CTBP2: variants seen among roughly 807,000 people sequenced by gnomAD.
The protein encoded by CTBP2 is C-terminal binding protein 2, also known as C-terminal-binding protein 2.
In CTBP2, 30 loss-of-function variants were observed where a neutral mutation model predicts 80.3. That is an observed-to-expected ratio of 0.37 (90% confidence interval 0.28 to 0.51). The LOEUF (loss-of-function observed/expected upper bound fraction) is 0.51, where lower values mean the gene tolerates loss of function less well. Among genes scored for constraint, CTBP2 ranks in the 20% least tolerant of loss-of-function variants. The pLI is 0.93. For synonymous variants in CTBP2, 594 were observed against 587.4 expected, an observed-to-expected ratio of 1.01 and a Z score of -0.16; for missense variants, 1,212 against 1,375.3, an observed-to-expected ratio of 0.88 and a Z score of 1.88.
At chr10:125,076,914 G>A (rs753102741) in intron 2 of CTBP2, among the ~76,000 whole-genome samples, 1 of 152,130 alleles carries the variant, frequency 6.6e-6, no homozygotes, top group East Asian at 1.9e-4. Flanking sequence ...TTTCTGCCAA[G>A]AATCATCTGT....
intron 3 of CTBP2, among the ~76,000 whole-genome samples, chr10:125,036,669 GTGTGTGTGTGTGT>G (rs1958910321): frequency 2.0e-4 from 1 of 4,980 alleles, no homozygotes; most frequent in African/African-American, 1.5e-3. Flanking sequence ...GCTAGAGGGG[GTGTGTGTGTGTGT>G]GTGTGTGTGT....
At chr10:125,117,828 C>T (rs1227628920) in intron 1 of CTBP2, among the ~76,000 whole-genome samples, 2 of 152,222 alleles carry the variant, frequency 1.3e-5, no homozygotes, top group Non-Finnish European at 2.9e-5. Context: ...CTAATTCTTT[C>T]CATGTCCCTA....
intron 2 of CTBP2, among the ~76,000 whole-genome samples, chr10:125,093,764 G>A (rs1464864231): frequency 2.6e-5 from 4 of 152,186 alleles, no homozygotes; most frequent in African/African-American, 9.7e-5. Flanking sequence ...GGACGCTCAG[G>A]GGGCAGCACA....
intron 2 of CTBP2, among the ~76,000 whole-genome samples, chr10:125,053,955 C>A (rs1299853973): frequency 6.6e-6 from 1 of 152,156 alleles, no homozygotes; most frequent in Non-Finnish European, 1.5e-5. Flanking sequence ...CTTTCCAGCC[C>A]CTACAGGACT....
At chr10:125,049,093 G>A (rs1443518415) in intron 2 of CTBP2, among the ~76,000 whole-genome samples, 8 of 67,600 alleles carry the variant, frequency 1.2e-4, no homozygotes, top group East Asian at 9.1e-4. Context: ...ACACACACAC[G>A]TCCACCTGAC....
chr10:125,141,612 C>A (rs1857830011), intron 1 of CTBP2, among the ~76,000 whole-genome samples: 1 of 152,076 alleles, frequency 6.6e-6, no homozygotes, highest in South Asian at 2.1e-4. Flanking sequence ...AGACAGCACA[C>A]AGTAAGCACA....
At chr10:125,158,532 CTT>C (rs1257249734) in intron 1 of CTBP2, 1 of 152,214 alleles carries the variant, frequency 6.6e-6, no homozygotes, top group African/African-American at 2.4e-5. Flanking sequence ...ATAGAATTCT[CTT>C]GTCTATCCTT....
chr10:125,159,166 G>A (rs1188296734), intron 1 of CTBP2, among the ~76,000 whole-genome samples: 23 of 151,058 alleles, frequency 1.5e-4, no homozygotes, highest in Admixed American at 1.5e-3. Context: ...GCCGCGGAGG[G>A]CTGGGAGGAG....
At chr10:125,074,645 A>G (rs1846017604) in intron 2 of CTBP2, among the ~76,000 whole-genome samples, 1 of 152,206 alleles carries the variant, frequency 6.6e-6, no homozygotes, top group Non-Finnish European at 1.5e-5. Flanking sequence ...GTGCCTGGCG[A>G]ACACTGTCCT....
At chr10:125,146,200 T>C (rs1217870662) in intron 1 of CTBP2, among the ~76,000 whole-genome samples, 1 of 152,104 alleles carries the variant, frequency 6.6e-6, no homozygotes, top group Non-Finnish European at 1.5e-5. Context: ...CTTGAACTCC[T>C]GACCTCAGGT....
At chr10:125,161,416 G>A (rs1192316513), upstream of CTBP2, among the ~76,000 whole-genome samples, 2 of 152,018 alleles carry the variant, frequency 1.3e-5, no homozygotes, top group African/African-American at 2.4e-5. Flanking sequence ...GGGGGAACGC[G>A]AGCCCCGGGT....
intron 1 of CTBP2, among the ~76,000 whole-genome samples, chr10:125,158,226 T>C (rs1378397147): frequency 6.6e-6 from 1 of 152,114 alleles, no homozygotes; most frequent in African/African-American, 2.4e-5. Context: ...CCACTTCTAC[T>C]TGGAAAACCC....
intron 2 of CTBP2, among the ~76,000 whole-genome samples, chr10:125,109,104 AGT>A (rs1371134885): frequency 1.3e-5 from 2 of 152,248 alleles, no homozygotes; most frequent in Non-Finnish European, 2.9e-5. Flanking sequence ...GTCAAATGAA[AGT>A]GTCCTCATTC....
chr10:125,041,977 G>C (rs951567794), intron 2 of CTBP2, among the ~76,000 whole-genome samples: 1 of 151,154 alleles, frequency 6.6e-6, no homozygotes, highest in African/African-American at 2.4e-5. Flanking sequence ...TTTGGGGGTG[G>C]GGGTGGGGGA....
intron 2 of CTBP2, chr10:125,100,807 G>A (rs1041806973): frequency 6.6e-6 from 1 of 152,304 alleles, no homozygotes. Flanking sequence ...GTGTAGGAAA[G>A]AGGAAGCCCT....
intron 1 of CTBP2, among the ~76,000 whole-genome samples, chr10:125,116,577 C>A (rs780011955): frequency 7.2e-5 from 11 of 152,164 alleles, no homozygotes; most frequent in Admixed American, 1.3e-4. Context: ...ATCACGCCCA[C>A]CCCTCGGAGG....
chr10:125,074,967 T>C (rs986740290), intron 2 of CTBP2, among the ~76,000 whole-genome samples: 2 of 152,164 alleles, frequency 1.3e-5, no homozygotes, highest in African/African-American at 4.8e-5. Flanking sequence ...AAAACAATAA[T>C]AGGTGGGAAC....
intron 2 of CTBP2, among the ~76,000 whole-genome samples, chr10:125,092,310 C>T (rs1172173077): frequency 6.6e-6 from 1 of 151,536 alleles, no homozygotes; most frequent in African/African-American, 2.4e-5. Context: ...CCTGCCTCAG[C>T]CTCCCTAGTA....
At chr10:125,131,666 T>C (rs1240009736) in intron 1 of CTBP2, among the ~76,000 whole-genome samples, 2 of 152,174 alleles carry the variant, frequency 1.3e-5, no homozygotes, top group Non-Finnish European at 2.9e-5. Flanking sequence ...CTCAACACAT[T>C]AGAATTTGAT....
Sources: allele counts gnomAD v4.1 joint callset (sites outside exome capture counted in the v4.1 genomes callset), GRCh38; gene constraint gnomAD v4.1.1; transcripts MANE v1.5; gene names NCBI Gene and HGNC (gene_info 2026-07-23, HGNC 2026-07-21).